Variants in NT5DC1 observed in about 807,000 individuals in gnomAD.
The protein encoded by NT5DC1 is 5'-nucleotidase domain-containing protein 1.
Under a neutral mutation model 59.4 loss-of-function variants are expected in NT5DC1, and 42 were observed. The ratio of observed to expected loss-of-function variants is 0.71; its 90% CI spans 0.55 to 0.92. NT5DC1 has a LOEUF of 0.92. Ranked by LOEUF, NT5DC1 falls within the 40% of genes least tolerant of loss-of-function variation. The pLI, the probability that NT5DC1 is intolerant of heterozygous loss-of-function variation, is 0.00. For synonymous variants in NT5DC1, 172 were observed against 188.1 expected (o/e 0.91, Z 0.70); for missense variants, 501 against 537.1 (o/e 0.93, Z 0.66).
intron 6 of NT5DC1, among the ~76,000 whole-genome samples, chr6:116,161,705 A>G (rs551166749): frequency 1.3e-4 from 20 of 152,280 alleles, no homozygotes; most frequent in African/African-American, 4.3e-4. Context: ...TGCTTTGGCT[A>G]TTTAGGCTCT....
intron 1 of NT5DC1, among the ~76,000 whole-genome samples, chr6:116,104,479 A>C (rs1459410493): frequency 1.3e-5 from 2 of 152,348 alleles, no homozygotes; most frequent in African/African-American, 4.8e-5. Flanking sequence ...GCTGGCTCTT[A>C]GGGGCTTGTG....
intron 6 of NT5DC1, among the ~76,000 whole-genome samples, chr6:116,210,486 A>G (rs770032512): frequency 1.3e-5 from 2 of 151,878 alleles, no homozygotes; most frequent in Non-Finnish European, 2.9e-5. Context: ...TCAAATTCCG[A>G]TTCTGCCACA....
At chr6:116,202,129 G>GTT in intron 6 of NT5DC1, among the ~76,000 whole-genome samples, 1 of 151,996 alleles carries the variant, frequency 6.6e-6, no homozygotes, top group Admixed American at 6.6e-5. Context: ...TTAACTTGAA[G>GTT]TAGCCACGTG....
intron 6 of NT5DC1, among the ~76,000 whole-genome samples, chr6:116,198,662 A>T (rs1781284539): frequency 6.6e-6 from 1 of 151,884 alleles, no homozygotes; most frequent in Admixed American, 6.6e-5. Flanking sequence ...CAGGAGTTCA[A>T]AGTTACCTAT....
At chr6:116,191,898 TAAATC>T (rs1275630111) in intron 6 of NT5DC1, among the ~76,000 whole-genome samples, 2 of 152,080 alleles carry the variant, frequency 1.3e-5, no homozygotes, top group Non-Finnish European at 2.9e-5. Context: ...TTATCAGTGA[TAAATC>T]AAATCAGTTT....
chr6:116,108,241 CAT>C lies in NT5DC1; in HGVS notation c.186-120_186-119del, dbSNP rs993220627. 3 of 669,776 alleles carry C rather than the reference CAT, an allele frequency of 4.5e-6. No homozygotes were observed. The African/African-American group carries it at 5.4e-5, about 12-fold the overall frequency. The allele number at this position is 669,776 out of a possible 1,614,324, so 41.5% of individuals were successfully genotyped here. A position where few individuals can be genotyped will look rare whatever the true frequency, so the allele number is the denominator to read the frequency against. On this transcript the variant is annotated intron_variant, in intron 2 of 11. Coordinates refer to ENST00000319550, the MANE Select transcript of NT5DC1 (RefSeq NM_152729.3). ...TAGATATTCTTAATTGTGTGATTAA[CAT>C]ATCATTCCCCTGGGTGGCAGAATCC...
At chr6:116,193,487 A>G (rs937396631) in intron 6 of NT5DC1, among the ~76,000 whole-genome samples, 4 of 152,068 alleles carry the variant, frequency 2.6e-5, no homozygotes, top group Non-Finnish European at 4.4e-5. Context: ...CTGTTTCTCT[A>G]ACTTTAAGTT....
At chr6:116,133,995 A>T (rs754229947) in intron 6 of NT5DC1, among the ~76,000 whole-genome samples, 1 of 152,208 alleles carries the variant, frequency 6.6e-6, no homozygotes, top group Non-Finnish European at 1.5e-5. Flanking sequence ...AGTCAAAAAT[A>T]ACTCTTGCCA....
At chr6:116,178,668 T>G (rs757422351) in intron 6 of NT5DC1, among the ~76,000 whole-genome samples, 3 of 152,228 alleles carry the variant, frequency 2.0e-5, no homozygotes, top group Non-Finnish European at 4.4e-5. Flanking sequence ...GCAATTTTAC[T>G]GAATAGTCCA....
chr6:116,124,553 A>G (rs1480859045), intron 6 of NT5DC1, among the ~76,000 whole-genome samples: 3 of 152,224 alleles, frequency 2.0e-5, no homozygotes, highest in African/African-American at 4.8e-5. Flanking sequence ...AAAGTAGTAG[A>G]AATAAAACTA....
At chr6:116,178,088 T>TGCGC (rs770350675) in intron 6 of NT5DC1, among the ~76,000 whole-genome samples, 10 of 99,620 alleles carry the variant, frequency 1.0e-4, no homozygotes, top group African/African-American at 4.7e-4. Flanking sequence ...TGTGTGTGTG[T>TGCGC]GCGCGCGCGC....
At chr6:116,103,405 C>T (rs1778702510) in intron 1 of NT5DC1, among the ~76,000 whole-genome samples, 1 of 151,902 alleles carries the variant, frequency 6.6e-6, no homozygotes, top group Admixed American at 6.6e-5. Context: ...GTATCCAGGG[C>T]AACTAAGCGA....
At chr6:116,174,977 A>G (rs1780699494) in intron 6 of NT5DC1, among the ~76,000 whole-genome samples, 1 of 152,194 alleles carries the variant, frequency 6.6e-6, no homozygotes, top group African/African-American at 2.4e-5. Context: ...TAGGTTATTG[A>G]ATGACCATAA....
In NT5DC1 at chr6:116,146,662, T is replaced by C. The variant is rs1222145968; in HGVS notation, c.529+28717T>C. 3.3e-5 allele frequency among the ~76,000 whole-genome samples: 5 copies of C among 152,224 alleles called. No homozygotes were observed. In the South Asian group the frequency reaches 6.2e-4, roughly 19 times the overall value. On this transcript the variant is annotated intron_variant, in intron 6 of 11. Transcript: ENST00000319550. Reference sequence around the variant, plus strand: ...TTTCCTATAGTTATGTTATAACTTATGTTTCTTAAACTTAAGTATGCTATA... The same window carrying C: ...TTTCCTATAGTTATGTTATAACTTACGTTTCTTAAACTTAAGTATGCTATA...
At chr6:116,174,554 G>T (rs9488860) in intron 6 of NT5DC1, among the ~76,000 whole-genome samples, 71,469 of 152,020 alleles carry the variant, frequency 0.47, 17,504 homozygotes, top group African/African-American at 0.61. Flanking sequence ...TTTCCTATTC[G>T]TGTTTTGTTT....
rs374560255 is a variant in NT5DC1 at position 116,125,482 on chromosome 6, T to C, written c.529+7537T>C. ...GGATACTAGCAGCAAAAAGGGTATT[T>C]GTGGCAGCATATTCTCAGATGGATT... On this transcript the variant is annotated intron_variant, in intron 6 of 11. Transcript: ENST00000319550. 7.4e-6 allele frequency: 12 copies of C among 1,613,646 alleles called. No homozygotes were observed. The African/African-American group carries it at 1.6e-4, about 22-fold the overall frequency.
intron 6 of NT5DC1, among the ~76,000 whole-genome samples, chr6:116,203,547 A>C (rs1781388311): frequency 6.6e-6 from 1 of 151,944 alleles, no homozygotes; most frequent in South Asian, 2.1e-4. Flanking sequence ...ATGTCACAGT[A>C]ATTCATTAAT....
At chr6:116,148,674 CATT>C (rs1212779558) in intron 6 of NT5DC1, among the ~76,000 whole-genome samples, 1 of 152,058 alleles carries the variant, frequency 6.6e-6, no homozygotes, top group East Asian at 1.9e-4. Flanking sequence ...ATAACAACGT[CATT>C]AATAATTAAA....
In NT5DC1 at chr6:116,238,384, A is replaced by G. The variant is rs1456363599; in HGVS notation, c.1083+36A>G. 4.8e-6 allele frequency: 7 copies of G among 1,457,604 alleles called. No individual in the cohort carries two copies. In the African/African-American group the frequency reaches 8.6e-5, roughly 18 times the overall value. 90.3% of individuals were successfully genotyped at this position (1,457,604 alleles called of 1,614,324 possible). On this transcript the variant is annotated intron_variant, in intron 10 of 11. Transcript: ENST00000319550. The stretch of plus-strand genomic sequence containing the variant: ...CCTGCAGCTCTTTCCTTGAAAGACA[A>G]ATATTTATGTTTGAAAGCTAAAGTA...
Sources: allele counts gnomAD v4.1 joint callset (sites outside exome capture counted in the v4.1 genomes callset), GRCh38; gene constraint gnomAD v4.1.1; transcripts MANE v1.5; gene names NCBI Gene and HGNC (gene_info 2026-07-23, HGNC 2026-07-21).